DGLUCY: variants seen among roughly 807,000 people sequenced by gnomAD.
DGLUCY encodes D-glutamate cyclase, mitochondrial.
A neutral mutation model predicts 58.5 loss-of-function variants in DGLUCY; 58 were observed. That is an observed-to-expected ratio of 0.99 (90% CI 0.80 to 1.23). DGLUCY has a LOEUF of 1.23. Ranked by LOEUF, DGLUCY falls within the 50% of genes most tolerant of loss-of-function variation. DGLUCY has a pLI of 0.00. For synonymous variants in DGLUCY, 325 were observed against 314.1 expected (o/e 1.03, Z -0.37); for missense variants, 779 against 784.7 (o/e 0.99, Z 0.09).
In DGLUCY at chr14:91,224,094, T is replaced by G. The variant is rs181643364; in HGVS notation, c.1717-590T>G. On this transcript the variant is annotated intron_variant, in intron 13 of 13. Transcript: ENST00000256324. The stretch of plus-strand genomic sequence containing the variant: ...GCAGGATTTGACACATGCCCCACAT[T>G]AGGCTAAGAGGTCTCAGGAGAAATG... Among the ~76,000 whole-genome samples the G allele has an allele frequency of 1.4e-4, 22 of 152,310 alleles. 1 individual carries two copies. Among genetic ancestry groups the G allele is most frequent in the African/African-American group, 4.8e-4 (20 of 41,576 alleles).
chr14:91,133,252 G>A (rs1261915416), intron 1 of DGLUCY, among the ~76,000 whole-genome samples: 1 of 151,992 alleles, frequency 6.6e-6, no homozygotes, highest in Admixed American at 6.6e-5. Flanking sequence ...CCGAGATCTT[G>A]CCACTGCACT....
intron 1 of DGLUCY, among the ~76,000 whole-genome samples, chr14:91,120,043 C>T (rs1010562758): frequency 6.6e-6 from 1 of 152,170 alleles, no homozygotes; most frequent in Admixed American, 6.5e-5. Flanking sequence ...TTCCCTGCTC[C>T]TCGGCTTGCA....
upstream of DGLUCY, among the ~76,000 whole-genome samples, chr14:91,104,144 G>C (rs2044545735): frequency 1.4e-5 from 2 of 146,846 alleles, no homozygotes; most frequent in Non-Finnish European, 3.0e-5. Context: ...CTCACTGCAA[G>C]CTCCGCCTCC....
At chr14:91,110,627 C>T (rs147230607), upstream of DGLUCY, among the ~76,000 whole-genome samples, 84 of 152,014 alleles carry the variant, frequency 5.5e-4, no homozygotes, top group Middle Eastern at 3.4e-3. Flanking sequence ...GACAAGGGTA[C>T]TCCATGTTGG....
chr14:91,101,944 T>A lies in DGLUCY; in HGVS notation c.-82+41240T>A, dbSNP rs570035869. 2.6e-3 allele frequency among the ~76,000 whole-genome samples: 396 copies of A among 152,120 alleles called. 1 individual carries two copies. Among genetic ancestry groups the A allele is most frequent in the Non-Finnish European group, 4.1e-3 (281 of 68,004 alleles). ...CTGGGCTCAAGCAATCCTCCCACCT[T>A]GGCCTCCCAAAGTGTTGAAATTAGA... On this transcript the variant is annotated intron_variant, in intron 1 of 4. Transcript: ENST00000521334.
At chr14:91,064,622 CAAAAAAAAA>C (rs35830145) in intron 1 of DGLUCY, among the ~76,000 whole-genome samples, 3 of 57,616 alleles carry the variant, frequency 5.2e-5, no homozygotes, top group African/African-American at 6.2e-5. Context: ...GACTCTGTCT[CAAAAAAAAA>C]AAAAAAAAAA....
At chr14:91,215,949 C>T (rs112365562) in intron 13 of DGLUCY, 4 of 362,790 alleles carry the variant, frequency 1.1e-5, no homozygotes, top group Non-Finnish European at 2.1e-5. Flanking sequence ...AAGGAATTCA[C>T]CACCCAGCGA....
rs1053075045 is a variant in DGLUCY at position 91,069,343 on chromosome 14, T to G, written c.-82+8639T>G. ...CAGGCTGGAGTGCAGTGGCGTGATC[T>G]CAGCTCACTGCAACCTCCACCTTCC... On this transcript the variant is annotated intron_variant, in intron 1 of 4. Coordinates refer to the DGLUCY transcript ENST00000521334. Among the ~76,000 whole-genome samples the G allele has an allele frequency of 4.6e-5, 7 of 152,180 alleles. No individual in the cohort carries two copies. In the South Asian group the frequency reaches 6.2e-4, roughly 13 times the overall value.
intron 13 of DGLUCY, among the ~76,000 whole-genome samples, chr14:91,220,282 T>C (rs1177586727): frequency 6.6e-6 from 1 of 152,248 alleles, no homozygotes; most frequent in Non-Finnish European, 1.5e-5. Flanking sequence ...GTAACAGATC[T>C]ACTTTTTGGG....
chr14:91,084,659 T>C (rs1404579008), intron 1 of DGLUCY, among the ~76,000 whole-genome samples: 1 of 152,192 alleles, frequency 6.6e-6, no homozygotes, highest in East Asian at 1.9e-4. Context: ...CTCACCAGGG[T>C]GCTTTCCTCT....
In DGLUCY at chr14:91,132,485, T is replaced by A. The variant is rs866100630; in HGVS notation, c.-82+18202T>A. Among the ~76,000 whole-genome samples the A allele has an allele frequency of 4.3e-3, 657 of 151,744 alleles. 5 individuals are homozygous for A. Among genetic ancestry groups the A allele is most frequent in the African/African-American group, 0.015 (624 of 41,434 alleles). ...GGAGACCCATAACTTTTTCTTTTTT[T>A]TTTTTTTTCTTGAGACACAGTCTTG... On this transcript the variant is annotated intron_variant, in intron 1 of 13. Transcript: ENST00000256324.
intron 5 of DGLUCY, among the ~76,000 whole-genome samples, chr14:91,170,500 C>T (rs1024295432): frequency 2.0e-5 from 3 of 152,150 alleles, no homozygotes; most frequent in African/African-American, 4.8e-5. Flanking sequence ...GGCACCTCAG[C>T]GAGATTTTTA....
At chr14:91,157,193 A>AGATG (rs1158547339) in intron 1 of DGLUCY, among the ~76,000 whole-genome samples, 2 of 31,986 alleles carry the variant, frequency 6.3e-5, no homozygotes, top group African/African-American at 1.0e-4. Flanking sequence ...ATGGGTGGAT[A>AGATG]GATGGATGGA....
At chr14:91,213,691 ATTGTTTGT>A (rs60700798) in intron 12 of DGLUCY, among the ~76,000 whole-genome samples, 6 of 150,092 alleles carry the variant, frequency 4.0e-5, no homozygotes, top group South Asian at 4.3e-4. Context: ...TTCACTGAAG[ATTGTTTGT>A]TTGTTTGTTT....
At chr14:91,097,942 C>T (rs1056559818) in intron 1 of DGLUCY, among the ~76,000 whole-genome samples, 2 of 152,168 alleles carry the variant, frequency 1.3e-5, no homozygotes, top group Admixed American at 6.6e-5. Context: ...TAACAACCAG[C>T]TTTCTGGAAG....
intron 1 of DGLUCY, among the ~76,000 whole-genome samples, chr14:91,115,587 C>T (rs749996514): frequency 1.3e-5 from 2 of 152,116 alleles, no homozygotes; most frequent in Non-Finnish European, 2.9e-5. Context: ...CCAGGTCTGG[C>T]TAATTTTTGT....
chr14:91,211,143 A>G (rs568702183), intron 12 of DGLUCY, among the ~76,000 whole-genome samples: 73 of 152,356 alleles, frequency 4.8e-4, no homozygotes, highest in African/African-American at 1.4e-3. Context: ...ATCTAAAAAT[A>G]TGAAGGAAAA....
intron 1 of DGLUCY, among the ~76,000 whole-genome samples, chr14:91,068,457 T>C (rs1268654913): frequency 6.6e-6 from 1 of 152,074 alleles, no homozygotes; most frequent in Non-Finnish European, 1.5e-5. Context: ...TCACCTGAGG[T>C]TGGGAGTTTG....
At chr14:91,177,927 AGT>A (rs746518190) in intron 7 of DGLUCY, among the ~76,000 whole-genome samples, 5 of 152,112 alleles carry the variant, frequency 3.3e-5, no homozygotes, top group Admixed American at 1.3e-4. Flanking sequence ...GTCTTGTCTG[AGT>A]GTGTGTGTGG....
Sources: gnomAD v4.1 joint callset for allele counts (sites outside exome capture counted in the v4.1 genomes callset) on GRCh38, gnomAD v4.1.1 for gene constraint, MANE v1.5 for transcripts, NCBI Gene and HGNC (gene_info 2026-07-23, HGNC 2026-07-21) for gene names.